The following SPOCK3 variants were observed in gnomAD, a reference collection of about 807,000 sequenced individuals.
The protein encoded by SPOCK3 is SPARC (osteonectin), cwcv and kazal like domains proteoglycan 3, also known as testican-3.
A neutral mutation model predicts 56.6 loss-of-function variants in SPOCK3; 30 were observed. That is an observed-to-expected ratio of 0.53 (90% confidence interval 0.40 to 0.72). SPOCK3 has a LOEUF of 0.72. Among genes scored for constraint, SPOCK3 ranks in the 30% least tolerant of loss-of-function variants. The pLI is 0.00. For missense variants in SPOCK3, 527 were observed against 530.0 expected, an observed-to-expected ratio of 0.99 and a Z score of 0.06; for synonymous variants, 196 against 183.3, an observed-to-expected ratio of 1.07 and a Z score of -0.56.
At chr4:166,894,461 A>G (rs988310338) in intron 5 of SPOCK3, among the ~76,000 whole-genome samples, 3 of 152,128 alleles carry the variant, frequency 2.0e-5, no homozygotes, top group African/African-American at 7.2e-5. Flanking sequence ...TTCTTAATTC[A>G]AGCAGTCTCT....
chr4:166,850,649 A>C (rs1748588382), intron 6 of SPOCK3, among the ~76,000 whole-genome samples: 2 of 152,224 alleles, frequency 1.3e-5, no homozygotes, highest in Admixed American at 6.5e-5. Flanking sequence ...GCATTGCCTC[A>C]CTCGGGAAGC....
chr4:166,995,897 A>G (rs1190144728), intron 4 of SPOCK3, among the ~76,000 whole-genome samples: 2 of 152,148 alleles, frequency 1.3e-5, no homozygotes, highest in Non-Finnish European at 2.9e-5. Flanking sequence ...TTCAGCAAAC[A>G]TTTGTGGAAC....
At chr4:167,110,167 A>T (rs1312158777) in intron 2 of SPOCK3, among the ~76,000 whole-genome samples, 1 of 152,006 alleles carries the variant, frequency 6.6e-6, no homozygotes, top group Non-Finnish European at 1.5e-5. Flanking sequence ...TCTCATCTCA[A>T]GTGGGAGCTT....
intron 6 of SPOCK3, among the ~76,000 whole-genome samples, chr4:166,834,645 A>C (rs976261382): frequency 6.6e-6 from 1 of 152,206 alleles, no homozygotes; most frequent in Admixed American, 6.5e-5. Flanking sequence ...TGAACTGCTA[A>C]ATAGTTTTGG....
chr4:166,765,815 A>T (rs1293643072), intron 7 of SPOCK3, among the ~76,000 whole-genome samples: 2 of 152,254 alleles, frequency 1.3e-5, no homozygotes, highest in African/African-American at 4.8e-5. Context: ...CTTCCTATCC[A>T]TGAGCATGGA....
At chr4:166,795,725 C>A (rs1741861372) in intron 6 of SPOCK3, among the ~76,000 whole-genome samples, 1 of 151,654 alleles carries the variant, frequency 6.6e-6, no homozygotes, top group African/African-American at 2.4e-5. Context: ...TTATCATTTT[C>A]ATGTTGTATT....
intron 2 of SPOCK3, among the ~76,000 whole-genome samples, chr4:167,084,384 A>G (rs1317929763): frequency 6.6e-6 from 1 of 151,866 alleles, no homozygotes; most frequent in Non-Finnish European, 1.5e-5. Context: ...CCTTTTCTGT[A>G]TATTTCTCTC....
chr4:167,123,036 C>T (rs1199591280), intron 2 of SPOCK3, among the ~76,000 whole-genome samples: 1 of 151,140 alleles, frequency 6.6e-6, no homozygotes, highest in African/African-American at 2.4e-5. Flanking sequence ...TCCTCAGTAA[C>T]ACTAGTGTTG....
At chr4:166,947,452 T>TC (rs1741907284) in intron 4 of SPOCK3, among the ~76,000 whole-genome samples, 1 of 152,166 alleles carries the variant, frequency 6.6e-6, no homozygotes, top group Non-Finnish European at 1.5e-5. Context: ...AAAGCATTTT[T>TC]CCCAATAGTA....
chr4:166,881,944 T>G (rs186257451), intron 6 of SPOCK3, among the ~76,000 whole-genome samples: 294 of 152,304 alleles, frequency 1.9e-3, no homozygotes, highest in African/African-American at 5.7e-3. Flanking sequence ...TACATTATAT[T>G]TAATATTGGT....
At chr4:167,095,104 C>A (rs1339862348) in intron 2 of SPOCK3, among the ~76,000 whole-genome samples, 1 of 152,016 alleles carries the variant, frequency 6.6e-6, no homozygotes, top group Non-Finnish European at 1.5e-5. Flanking sequence ...AAGGCCCACC[C>A]ACATTGAGGA....
At chr4:166,750,443 A>G (rs1460733241) in intron 8 of SPOCK3, among the ~76,000 whole-genome samples, 1 of 152,134 alleles carries the variant, frequency 6.6e-6, no homozygotes, top group Admixed American at 6.6e-5. Flanking sequence ...TTTTAAGTTT[A>G]TGCTAAATTC....
intron 6 of SPOCK3, among the ~76,000 whole-genome samples, chr4:166,873,327 T>C (rs538105441): frequency 6.6e-6 from 1 of 152,270 alleles, no homozygotes; most frequent in Admixed American, 6.5e-5. Flanking sequence ...TGACTGATAC[T>C]TGTCATTATA....
intron 2 of SPOCK3, among the ~76,000 whole-genome samples, chr4:167,081,607 G>A (rs1189928693): frequency 1.3e-5 from 2 of 152,042 alleles, no homozygotes; most frequent in South Asian, 2.1e-4. Context: ...ACAGGATTAA[G>A]TTGTCATTAA....
Position 167,016,624 on chromosome 4 carries a change from T to C in SPOCK3, c.236-16161A>G, listed in dbSNP as rs149529571. ...GGCGCGATCTCAGCTCATTGCAACA[T>C]TTGCCTCCTGGGTTCAAGCGATTCT... On this transcript the variant is annotated intron_variant, in intron 3 of 10. Coordinates refer to ENST00000357545, the MANE Select transcript of SPOCK3 (RefSeq NM_001040159.2). Among the ~76,000 whole-genome samples, 588 of 151,888 alleles carry C rather than the reference T, an allele frequency of 3.9e-3. 5 individuals carry two copies. The highest frequency in any genetic ancestry group is 0.013 in the African/African-American group (542 of 41,416).
intron 2 of SPOCK3, among the ~76,000 whole-genome samples, chr4:167,157,778 C>T (rs1764944166): frequency 6.6e-6 from 1 of 151,310 alleles, no homozygotes; most frequent in Non-Finnish European, 1.5e-5. Context: ...ACAGACACAC[C>T]CCCAAACGTA....
intron 4 of SPOCK3, among the ~76,000 whole-genome samples, chr4:166,922,680 G>A (rs1380879256): frequency 1.3e-5 from 2 of 152,134 alleles, no homozygotes; most frequent in Non-Finnish European, 2.9e-5. Context: ...CCCACTTAGA[G>A]CAAAGGCCAC....
chr4:167,134,371 A>G (rs771585099), intron 2 of SPOCK3, among the ~76,000 whole-genome samples: 12 of 152,100 alleles, frequency 7.9e-5, no homozygotes, highest in Non-Finnish European at 1.8e-4. Flanking sequence ...ATTTTCCTGA[A>G]GGAAAAACTA....
chr4:166,920,062 G>C (rs1280495713), intron 4 of SPOCK3, among the ~76,000 whole-genome samples: 19 of 152,222 alleles, frequency 1.2e-4, no homozygotes, highest in Admixed American at 1.2e-3. Flanking sequence ...GAAGTAAATT[G>C]ACGGAGCTTA....
Sources: gnomAD v4.1 joint callset for allele counts (sites outside exome capture counted in the v4.1 genomes callset) on GRCh38, gnomAD v4.1.1 for gene constraint, MANE v1.5 for transcripts, NCBI Gene and HGNC (gene_info 2026-07-23, HGNC 2026-07-21) for gene names.